The following NCOA6 variants were observed in gnomAD, a reference collection of about 807,000 sequenced individuals.
The protein encoded by NCOA6 is NRC RAP250.
Under a neutral mutation model 171.4 loss-of-function variants are expected in NCOA6, and 49 were observed. The observed-to-expected ratio is 0.29, with a 90% CI of 0.23 to 0.36. The LOEUF is 0.36. Among genes scored for constraint, NCOA6 ranks in the 10% least tolerant of loss-of-function variants. The probability of loss-of-function intolerance (pLI) is 1.00; values close to 1 mark genes in which losing one functional copy is unlikely to be tolerated. For synonymous variants in NCOA6, 910 were observed against 927.5 expected, an observed-to-expected ratio of 0.98 and a Z score of 0.34; for missense variants, 2,248 against 2,554.5, an observed-to-expected ratio of 0.88 and a Z score of 2.59.
chr20:34,727,922 A>C (rs1990167218), intron 13 of NCOA6, among the ~76,000 whole-genome samples: 1 of 151,880 alleles, frequency 6.6e-6, no homozygotes, highest in Admixed American at 6.6e-5. Context: ...TGGGGGTTTC[A>C]CCACACTGGC....
chr20:34,727,325 C>G lies in NCOA6; in HGVS notation c.6082G>C (p.Glu2028Gln). Residue 2028 changes from glutamate (E) to glutamine (Q), a missense_variant, in exon 14 of 15, where the codon GAA becomes CAA. This residue lies in a region of NCOA6 where 884 missense variants were observed against 941.9 expected (regional missense o/e 0.94). Coordinates refer to ENST00000359003, the MANE Select transcript of NCOA6 (RefSeq NM_014071.5). ...SRTEEPTVAS[E>Q]SVENGHRKRS... ...TTACGATGTCCATTTTCCACACTTT[C>G]AGAGGCCACAGTTGGCTCTTCAGTT... is the stretch of plus-strand genomic sequence containing the variant. 6.2e-7 allele frequency: 1 copy of G among 1,614,182 alleles called. No individual in the cohort carries two copies. The highest frequency in any genetic ancestry group is 1.7e-4 in the Middle Eastern group (1 of 6,042).
intron 14 of NCOA6, among the ~76,000 whole-genome samples, chr20:34,724,686 A>T (rs1402701591): frequency 6.6e-6 from 1 of 152,148 alleles, no homozygotes; most frequent in Non-Finnish European, 1.5e-5. Flanking sequence ...AGAGCAAGGT[A>T]TCTCAGCTAT....
intron 1 of NCOA6, among the ~76,000 whole-genome samples, chr20:34,811,843 A>G (rs1420538758): frequency 6.6e-6 from 1 of 152,256 alleles, no homozygotes; most frequent in Non-Finnish European, 1.5e-5. Flanking sequence ...GACATTGTTA[A>G]AGTGTCTAAA....
intron 3 of NCOA6, among the ~76,000 whole-genome samples, chr20:34,781,512 A>T (rs114402586): frequency 6.6e-6 from 1 of 152,354 alleles, no homozygotes; most frequent in African/African-American, 2.4e-5. Flanking sequence ...GGGAGAACTC[A>T]ATGTTATCAG....
intron 13 of NCOA6, among the ~76,000 whole-genome samples, chr20:34,729,976 C>T (rs578260226): frequency 6.6e-6 from 1 of 152,150 alleles, no homozygotes; most frequent in Non-Finnish European, 1.5e-5. Context: ...GGGATTTATA[C>T]CTCCTTTGAG....
chr20:34,750,548 GAAAT>G (rs900007395), intron 8 of NCOA6, 29 bp from the exon 9 acceptor site: 1 of 1,539,282 alleles, frequency 6.5e-7, no homozygotes, highest in Non-Finnish European at 8.7e-7. Flanking sequence ...CACAGTTTCA[GAAAT>G]AAATATTTTT....
chr20:34,715,346 T>C lies in NCOA6; in HGVS notation c.6168A>G (p.Gln2056=), dbSNP rs774423261. 13 of 1,613,844 alleles carry C rather than the reference T, an allele frequency of 8.1e-6. No individual in the cohort carries two copies. The highest frequency in any genetic ancestry group is 3.3e-4 in the Middle Eastern group (2 of 6,084). ...TTTACTTGGATTTTCTTCGCTTGGA[T>C]TGCACCGCACTGGTTATGTCTGTGG... ...SSTKDITSAV[Q]SKRRKSK The change falls in exon 15 of 15, where the codon CAA becomes CAG. Residue 2056 remains glutamine (Q), a synonymous_variant. Transcript: ENST00000359003.
At chr20:34,776,826 G>C in intron 3 of NCOA6, 1 of 451,062 alleles carries the variant, frequency 2.2e-6, no homozygotes, top group South Asian at 1.6e-5. Flanking sequence ...AGAAGAGAGA[G>C]GTTAAGTTTA....
intron 14 of NCOA6, among the ~76,000 whole-genome samples, chr20:34,722,019 C>A (rs1321035517): frequency 2.3e-5 from 3 of 128,986 alleles, no homozygotes; most frequent in Non-Finnish European, 4.7e-5. Flanking sequence ...AGTGCCATTG[C>A]ACTCTAGCCT....
At chr20:34,763,070 A>G (rs2076865699) in intron 5 of NCOA6, among the ~76,000 whole-genome samples, 1 of 152,136 alleles carries the variant, frequency 6.6e-6, no homozygotes, top group African/African-American at 2.4e-5. Context: ...GTAGCTTTAC[A>G]ATATTGTGTC....
chr20:34,760,023 A>G (rs1425224060), intron 5 of NCOA6, among the ~76,000 whole-genome samples: 1 of 152,168 alleles, frequency 6.6e-6, no homozygotes, highest in African/African-American at 2.4e-5. Context: ...CATGCCTGTA[A>G]TCCCAGAGCT....
At chr20:34,759,841 T>C (rs2076763879) in intron 5 of NCOA6, among the ~76,000 whole-genome samples, 1 of 152,222 alleles carries the variant, frequency 6.6e-6, no homozygotes, top group African/African-American at 2.4e-5. Flanking sequence ...TAAGCATCTT[T>C]AATTTTACTA....
At chr20:34,776,214 A>G in intron 4 of NCOA6, 79 bp downstream of exon 4, 2 of 1,515,476 alleles carry the variant, frequency 1.3e-6, no homozygotes, top group African/African-American at 1.4e-5. Flanking sequence ...AGGAACAGAC[A>G]AAGCAGCACA....
In NCOA6 at chr20:34,742,824, T is replaced by C; in HGVS notation, c.3432A>G (p.Pro1144=). 5 of 1,614,192 alleles carry C rather than the reference T, an allele frequency of 3.1e-6. No individual in the cohort carries two copies. Among genetic ancestry groups the C allele is most frequent in the Non-Finnish European group, 4.2e-6 (5 of 1,180,018 alleles). ...GTGAAGGCATGTTGTTTGGGCCTCC[T>C]GGGACAGATGGTGCTTCACTGCCAC... ...EASGSEAPSV[P]GGPNNMPSHV... The change falls in exon 11 of 15, where the codon CCA becomes CCG. Residue 1144 remains proline (P), a synonymous_variant. Transcript: ENST00000359003.
rs144877345 is a variant in NCOA6 at position 34,734,722 on chromosome 20, G to A, written c.5962+1968C>T. Reference sequence around the variant, plus strand: ...GGTGGAGTTCAATGGCGCAATCTCCGGCTCACCGCAACCTCTGCGTCCCAG... The same window carrying A: ...GGTGGAGTTCAATGGCGCAATCTCCAGCTCACCGCAACCTCTGCGTCCCAG... On this transcript the variant is annotated intron_variant, in intron 12 of 14. Coordinates refer to ENST00000359003, the MANE Select transcript of NCOA6 (RefSeq NM_014071.5). Among the ~76,000 whole-genome samples, 20 of 151,402 alleles carry A rather than the reference G, an allele frequency of 1.3e-4. No individual in the cohort carries two copies. In the East Asian group the frequency reaches 1.4e-3, roughly 10 times the overall value.
At chr20:34,781,782 C>T (rs1175523075) in intron 3 of NCOA6, among the ~76,000 whole-genome samples, 1 of 152,014 alleles carries the variant, frequency 6.6e-6, no homozygotes, top group Non-Finnish European at 1.5e-5. Flanking sequence ...CTTTAAGGGT[C>T]CTTAAAGATT....
chr20:34,806,588 G>A (rs1234400403), intron 1 of NCOA6, among the ~76,000 whole-genome samples: 1 of 152,170 alleles, frequency 6.6e-6, no homozygotes, highest in Non-Finnish European at 1.5e-5. Context: ...TGTATATGGT[G>A]AGAGATAGGG....
chr20:34,811,203 A>ATGTATATG (rs1457734864), intron 1 of NCOA6, among the ~76,000 whole-genome samples: 3 of 73,930 alleles, frequency 4.1e-5, no homozygotes, highest in Non-Finnish European at 5.6e-5. Flanking sequence ...AACAACGTGT[A>ATGTATATG]TATATATATA....
At chr20:34,825,098 A>G (rs992919108) in intron 1 of NCOA6, among the ~76,000 whole-genome samples, 1 of 151,392 alleles carries the variant, frequency 6.6e-6, no homozygotes, top group African/African-American at 2.4e-5. Context: ...GACCCTGACC[A>G]CGACCCCACG....
Sources: gnomAD v4.1 joint callset for allele counts (sites outside exome capture counted in the v4.1 genomes callset) on GRCh38, gnomAD v4.1.1 for gene constraint, gnomAD v4.1.1 regional missense constraint, MANE v1.5 for transcripts, NCBI Gene and HGNC (gene_info 2026-07-23, HGNC 2026-07-21) for gene names.